Variants in ZC3H7A observed in about 807,000 individuals in gnomAD.
ZC3H7A encodes the protein zinc finger CCCH-type containing 7A, also known as zinc finger CCCH domain-containing protein 7A.
Under a neutral mutation model 125.5 loss-of-function variants are expected in ZC3H7A, and 44 were observed. That is an observed-to-expected ratio of 0.35 (90% CI 0.28 to 0.45). ZC3H7A has a LOEUF of 0.45. Among genes scored for constraint, ZC3H7A ranks in the 20% least tolerant of loss-of-function variants. The pLI is 1.00. For missense variants in ZC3H7A, 977 were observed against 1,170.7 expected (o/e 0.83, Z 2.41); for synonymous variants, 399 against 391.2 (o/e 1.02, Z -0.23).
chr16:11,767,357 A>C, intron 13 of ZC3H7A, 60 bp downstream of exon 13: 1 of 1,269,002 alleles, frequency 7.9e-7, no homozygotes, highest in Non-Finnish European at 1.1e-6. Flanking sequence ...CATTAAGCTA[A>C]GCATGACTGT....
chr16:11,782,601 CTTTT>C (rs896160381), intron 1 of ZC3H7A: 485 of 130,354 alleles, frequency 3.7e-3, no homozygotes, highest in South Asian at 0.01. Context: ...TTTTCATATT[CTTTT>C]TTTTTTTTTT....
At chr16:11,768,887 T>C in intron 11 of ZC3H7A, 144 bp downstream of exon 11, 1 of 778,968 alleles carries the variant, frequency 1.3e-6, no homozygotes, top group Non-Finnish European at 2.0e-6. Flanking sequence ...TTACTAGATG[T>C]TCCAGAAGTC....
chr16:11,776,413 A>C, intron 6 of ZC3H7A, 39 bp downstream of exon 6: 1 of 1,601,066 alleles, frequency 6.2e-7, no homozygotes, highest in Non-Finnish European at 8.5e-7. Context: ...AAGTTCTAAA[A>C]CAAAATGAAA....
At chr16:11,770,090 T>C (rs2052953040) in intron 10 of ZC3H7A, among the ~76,000 whole-genome samples, 1 of 152,044 alleles carries the variant, frequency 6.6e-6, no homozygotes, top group Non-Finnish European at 1.5e-5. Context: ...CCCAGCCTAC[T>C]TTCTTTTTCT....
chr16:11,771,341 T>G (rs2052977545), intron 9 of ZC3H7A, among the ~76,000 whole-genome samples: 1 of 150,828 alleles, frequency 6.6e-6, no homozygotes, highest in Non-Finnish European at 1.5e-5. Flanking sequence ...TGAGCCAAGA[T>G]CACGCAATTG....
In ZC3H7A at chr16:11,770,870, A is replaced by G. The variant is rs758348913; in HGVS notation, c.1021T>C (p.Phe341Leu). Residue 341 changes from phenylalanine to leucine, a missense_variant, in exon 10 of 23, where the codon TTC (phenylalanine) becomes CTC (leucine). Phe to Leu is a conservative substitution (Grantham distance 22). Around this residue, in one of 3 missense-constraint regions of ZC3H7A, gnomAD observed 342 missense variants for 311.3 expected, o/e 1.10. Transcript: ENST00000355758. ...IGARYAPPPS[F>L]SEFYPPLTSS... ...GTCAAAGGTGGATAAAATTCTGAGA[A>G]GGAGGGTGGAGGAGCATACCTCGCA... The G allele has an allele frequency of 1.2e-6, 2 of 1,614,098 alleles. No homozygotes were observed. Among genetic ancestry groups the G allele is most frequent in the African/African-American group, 2.7e-5 (2 of 74,926 alleles).
At chr16:11,788,317 T>G (rs2053290311) in intron 1 of ZC3H7A, among the ~76,000 whole-genome samples, 1 of 152,024 alleles carries the variant, frequency 6.6e-6, no homozygotes, top group Admixed American at 6.6e-5. Context: ...CGAGCCATAC[T>G]CTCCCATAGA....
intron 1 of ZC3H7A, among the ~76,000 whole-genome samples, chr16:11,787,049 G>C (rs1371124474): frequency 6.6e-6 from 1 of 152,140 alleles, no homozygotes; most frequent in Non-Finnish European, 1.5e-5. Flanking sequence ...GCCCTATCAG[G>C]ATATAGATCA....
intron 10 of ZC3H7A, among the ~76,000 whole-genome samples, chr16:11,770,102 A>G (rs984973839): frequency 6.6e-6 from 1 of 151,860 alleles, no homozygotes; most frequent in African/African-American, 2.4e-5. Context: ...TCTTTTTCTT[A>G]GTCTAGCACT....
At position 11,763,785 on chromosome 16, in the gene ZC3H7A, A is replaced by G. The variant is rs1237120414; in HGVS notation, c.1821-126T>C. The G allele has an allele frequency of 2.1e-5, 5 of 235,858 alleles. No homozygotes were observed. In the Admixed American group the frequency reaches 2.9e-4, roughly 14 times the overall value. The allele number at this position is 235,858 out of a possible 1,614,324, so 14.6% of individuals were successfully genotyped here. ...TATATATATAAAGTTCTACACTGAC[A>G]ATACATTTAAAATTTTTTTTTCTCT... On this transcript the variant is annotated intron_variant, in intron 15 of 22. Coordinates refer to ENST00000355758, the MANE Select transcript of ZC3H7A (RefSeq NM_014153.4).
chr16:11,793,593 C>G (rs965804884), intron 1 of ZC3H7A, among the ~76,000 whole-genome samples: 1 of 151,992 alleles, frequency 6.6e-6, no homozygotes, highest in South Asian at 2.1e-4. Flanking sequence ...CAATTCTATC[C>G]CCAGACTGAA....
At chr16:11,752,616 G>A in intron 22 of ZC3H7A, 53 bp downstream of exon 22, 1 of 1,576,152 alleles carries the variant, frequency 6.3e-7, no homozygotes, top group Non-Finnish European at 8.6e-7. Flanking sequence ...ACATGTCCAT[G>A]AAAATTTGAG....
rs1451292081 is a variant in ZC3H7A, at chr16:11,768,175, A to G, written c.1360+140T>C. 1.9e-5 allele frequency: 15 copies of G among 798,540 alleles called. No homozygotes were observed. In the African/African-American group the frequency reaches 2.7e-4, roughly 14 times the overall value. 49.5% of individuals were successfully genotyped at this position (798,540 alleles called of 1,614,324 possible). ...CAAAGGCACTAAATCAGTAACTGCT[A>G]CTTGTTTAGGAAGAATTCAAAATAG... On this transcript the variant is annotated intron_variant, in intron 12 of 22. Coordinates refer to ENST00000355758, the MANE Select transcript of ZC3H7A (RefSeq NM_014153.4).
intron 1 of ZC3H7A, among the ~76,000 whole-genome samples, chr16:11,785,363 G>A (rs539380347): frequency 4.6e-5 from 7 of 151,352 alleles, no homozygotes; most frequent in African/African-American, 1.7e-4. Flanking sequence ...AAAAGCAACC[G>A]GGTGTGGTGG....
Position 11,768,394 on chromosome 16 carries a change from A to G in ZC3H7A, c.1281T>C (p.Ser427=). ...GGGGATGTCTTGGAGTCACTGATGA[A>G]GATGGTTTGGTAACTGCACTTCCAA... ...NFFGSAVTKP[S]SSVTPRHPLE... The change falls in exon 12 of 23, where the codon TCT becomes TCC. Residue 427 remains serine, a synonymous_variant. Transcript: ENST00000355758. 3 of 1,599,438 alleles carry G rather than the reference A, an allele frequency of 1.9e-6. No individual in the cohort carries two copies. Among genetic ancestry groups the G allele is most frequent in the Non-Finnish European group, 2.6e-6 (3 of 1,170,614 alleles).
chr16:11,788,643 TC>T (rs1440313834), intron 1 of ZC3H7A, among the ~76,000 whole-genome samples: 18 of 150,524 alleles, frequency 1.2e-4, no homozygotes, highest in Non-Finnish European at 2.2e-4. Context: ...AGACGCAGTC[TC>T]CCTCTGTTGC....
chr16:11,767,606 A>G (rs764010192), intron 12 of ZC3H7A, 28 bp from the exon 13 acceptor site: 9 of 1,501,544 alleles, frequency 6.0e-6, no homozygotes, highest in Admixed American at 4.8e-5. Context: ...AGGATTGCTT[A>G]TATGCACAAA....
intron 4 of ZC3H7A, among the ~76,000 whole-genome samples, chr16:11,778,420 G>C (rs1339259437): frequency 8.1e-6 from 1 of 124,206 alleles, no homozygotes; most frequent in East Asian, 2.9e-4. Flanking sequence ...CTGGGTGACA[G>C]AGCGAGACAC....
intron 10 of ZC3H7A, among the ~76,000 whole-genome samples, chr16:11,770,023 G>C (rs1373885155): frequency 1.3e-5 from 2 of 151,814 alleles, no homozygotes; most frequent in African/African-American, 2.4e-5. Flanking sequence ...CTGAGCTCAA[G>C]TGATCCTCCT....
Sources: allele counts gnomAD v4.1 joint callset (sites outside exome capture counted in the v4.1 genomes callset), GRCh38; gene constraint gnomAD v4.1.1; regional missense constraint gnomAD v4.1.1; transcripts MANE v1.5; gene names NCBI Gene and HGNC (gene_info 2026-07-23, HGNC 2026-07-21).